Variants in SCHIP1 observed in about 807,000 individuals in gnomAD.
SCHIP1 encodes the protein schwannomin-interacting protein 1.
A neutral mutation model predicts 29.7 loss-of-function variants in SCHIP1; 8 were observed. The observed-to-expected ratio is 0.27, with a 90% CI of 0.16 to 0.49. SCHIP1 has a LOEUF of 0.49. SCHIP1 is among the 20% of genes least tolerant of loss of function. The pLI, the probability that SCHIP1 is intolerant of heterozygous loss-of-function variation, is 0.99. For synonymous variants in SCHIP1, 76 were observed against 94.9 expected (o/e 0.80, Z 1.16); for missense variants, 193 against 294.6 (o/e 0.66, Z 2.52).
At chr3:159,426,450 C>A in the SCHIP1 span, among the ~76,000 whole-genome samples, 6 of 152,290 alleles carry the variant, frequency 3.9e-5, no homozygotes, top group East Asian at 9.6e-4. Context: ...TGGATACATT[C>A]CTCAACACAT....
At chr3:159,333,996 T>A in the SCHIP1 span, among the ~76,000 whole-genome samples, 1 of 152,152 alleles carries the variant, frequency 6.6e-6, no homozygotes, top group South Asian at 2.1e-4. Context: ...AAGCAAGCAA[T>A]AACACATACC....
the SCHIP1 span, among the ~76,000 whole-genome samples, chr3:159,508,979 T>G: frequency 1.3e-5 from 2 of 152,254 alleles, no homozygotes; most frequent in African/African-American, 4.8e-5. Context: ...AGATGTCTGT[T>G]AGGTCCACTT....
At chr3:159,666,308 C>A in the SCHIP1 span, among the ~76,000 whole-genome samples, 2 of 152,240 alleles carry the variant, frequency 1.3e-5, no homozygotes, top group African/African-American at 4.8e-5. Context: ...TTTGCTCAGG[C>A]AAATAATAAA....
At chr3:159,709,109 T>C in the SCHIP1 span, among the ~76,000 whole-genome samples, 2 of 151,796 alleles carry the variant, frequency 1.3e-5, no homozygotes, top group Non-Finnish European at 1.5e-5. Context: ...GTGTACTTAC[T>C]GGTGATGAAC....
At chr3:159,507,745 T>C in the SCHIP1 span, among the ~76,000 whole-genome samples, 1 of 152,192 alleles carries the variant, frequency 6.6e-6, no homozygotes. Flanking sequence ...TTGTCATTGG[T>C]TCTGTTTATA....
the SCHIP1 span, among the ~76,000 whole-genome samples, chr3:159,458,928 T>A: frequency 6.6e-6 from 1 of 152,038 alleles, no homozygotes; most frequent in East Asian, 1.9e-4. Context: ...AAATAAGGGG[T>A]TTTATTCTTA....
At chr3:159,473,619 T>A in the SCHIP1 span, among the ~76,000 whole-genome samples, 2,410 of 146,876 alleles carry the variant, frequency 0.016, 73 homozygotes, top group African/African-American at 0.058. Flanking sequence ...TTATTGAATT[T>A]GGGCAAGAAG....
chr3:159,625,517 T>C, the SCHIP1 span, among the ~76,000 whole-genome samples: 1 of 152,188 alleles, frequency 6.6e-6, no homozygotes, highest in South Asian at 2.1e-4. Flanking sequence ...ATGATTAAAA[T>C]ACTAAATCTT....
At chr3:159,659,002 C>T in the SCHIP1 span, among the ~76,000 whole-genome samples, 1 of 152,182 alleles carries the variant, frequency 6.6e-6, no homozygotes, top group Admixed American at 6.5e-5. Context: ...AGTTTATTCC[C>T]CTAGACATAT....
At chr3:159,359,537 T>A in the SCHIP1 span, among the ~76,000 whole-genome samples, 2 of 152,214 alleles carry the variant, frequency 1.3e-5, no homozygotes, top group Admixed American at 1.3e-4. Flanking sequence ...TGGTAAATTA[T>A]AAGATACATG....
chr3:159,725,084 C>T, the SCHIP1 span, among the ~76,000 whole-genome samples: 1 of 152,172 alleles, frequency 6.6e-6, no homozygotes, highest in East Asian at 1.9e-4. Flanking sequence ...AATGGTTTAA[C>T]ACAACAAACT....
At chr3:159,689,229 A>G in the SCHIP1 span, among the ~76,000 whole-genome samples, 107 of 152,336 alleles carry the variant, frequency 7.0e-4, no homozygotes, top group Non-Finnish European at 1.4e-3. Flanking sequence ...CCTATTCATG[A>G]ACATGGAATG....
At chr3:159,659,612 C>T in the SCHIP1 span, among the ~76,000 whole-genome samples, 12,935 of 152,148 alleles carry the variant, frequency 0.085, 1,632 homozygotes, top group African/African-American at 0.27. Context: ...TCAGTGCCAC[C>T]TCATCAAACA....
At chr3:159,648,831 C>T in the SCHIP1 span, among the ~76,000 whole-genome samples, 32 of 152,132 alleles carry the variant, frequency 2.1e-4, no homozygotes, top group African/African-American at 7.7e-4. Context: ...GTCCAAGTAA[C>T]ACTGTTCACG....
chr3:159,406,351 C>T, the SCHIP1 span, among the ~76,000 whole-genome samples: 3 of 152,096 alleles, frequency 2.0e-5, no homozygotes, highest in South Asian at 2.1e-4. Flanking sequence ...ACAACAACAA[C>T]AAAAACTTTT....
the SCHIP1 span, among the ~76,000 whole-genome samples, chr3:159,407,697 A>G: frequency 6.6e-6 from 1 of 152,254 alleles, no homozygotes; most frequent in Admixed American, 6.5e-5. Context: ...CTCTGACCAC[A>G]GTGGAACAAA....
At chr3:159,695,205 C>T in the SCHIP1 span, among the ~76,000 whole-genome samples, 2 of 152,270 alleles carry the variant, frequency 1.3e-5, no homozygotes, top group East Asian at 3.9e-4. Context: ...CTAATAAGGA[C>T]CCAAGCCTAA....
chr3:159,627,872 T>C, the SCHIP1 span, among the ~76,000 whole-genome samples: 4 of 152,248 alleles, frequency 2.6e-5, no homozygotes, highest in Admixed American at 6.5e-5. Flanking sequence ...TACGTGGTTT[T>C]GGACGGAAGG....
chr3:159,755,318 A>G, the SCHIP1 span, among the ~76,000 whole-genome samples: 1 of 152,204 alleles, frequency 6.6e-6, no homozygotes, highest in East Asian at 1.9e-4. Flanking sequence ...GCAGCAGGGA[A>G]GGAGGAGCAA....
Sources: gnomAD v4.1 joint callset for allele counts (sites outside exome capture counted in the v4.1 genomes callset) on GRCh38, gnomAD v4.1.1 for gene constraint, MANE v1.5 for transcripts, NCBI Gene and HGNC (gene_info 2026-07-23, HGNC 2026-07-21) for gene names.